The following IL9R variants were observed in gnomAD, a reference collection of about 807,000 sequenced individuals.
The protein encoded by IL9R is interleukin 9 receptor.
A neutral mutation model predicts 56.3 loss-of-function variants in IL9R; 54 were observed. The observed-to-expected ratio is 0.96, with a 90% CI of 0.77 to 1.20. IL9R has a LOEUF of 1.20. IL9R is among the 50% of genes most tolerant of loss of function. The probability of loss-of-function intolerance (pLI) is 0.00; values close to 1 mark genes in which losing one functional copy is unlikely to be tolerated. For synonymous variants in IL9R, 212 were observed against 250.2 expected, an observed-to-expected ratio of 0.85 and a Z score of 1.44; for missense variants, 545 against 629.8, an observed-to-expected ratio of 0.87 and a Z score of 1.44.
At chrX:155,999,759 A>G (rs2067386504) in intron 1 of IL9R, among the ~76,000 whole-genome samples, 1 of 152,028 alleles carries the variant, frequency 6.6e-6, no homozygotes, top group Admixed American at 6.6e-5. Context: ...TGTCCACTTC[A>G]ATAGTAACTT....
At chrX:156,009,714 A>C in intron 8 of IL9R, 102 bp from the exon 9 acceptor site, 1 of 564,750 alleles carries the variant, frequency 1.8e-6, no homozygotes, top group Non-Finnish European at 2.7e-6. Flanking sequence ...GGCTTCCTGG[A>C]GGAGGAGGGA....
At chrX:156,000,180 A>G (rs2067427191) in intron 1 of IL9R, among the ~76,000 whole-genome samples, 1 of 151,502 alleles carries the variant, frequency 6.6e-6, no homozygotes, top group South Asian at 2.1e-4. Context: ...ATATATGCAT[A>G]ATAGTCTCTG....
At chrX:156,003,162 C>T (rs1370031280) in intron 2 of IL9R, 143 bp downstream of exon 2, 2 of 982,406 alleles carry the variant, frequency 2.0e-6, no homozygotes, top group East Asian at 5.1e-5. Context: ...TCAGCCTGGA[C>T]CTCAGTCTCT....
intron 8 of IL9R, among the ~76,000 whole-genome samples, chrX:156,009,405 G>C (rs1161971447): frequency 1.5e-4 from 19 of 127,664 alleles, no homozygotes; most frequent in Non-Finnish European, 2.4e-4. Flanking sequence ...GTGTGTCTCT[G>C]TGTGTGTGTG....
At position 156,010,493 on chromosome X, in the gene IL9R, T is replaced by G; in HGVS notation, c.*84T>G. The G allele has an allele frequency of 2.5e-6, 1 of 392,582 alleles. No homozygotes were observed. The highest frequency in any genetic ancestry group is 2.7e-5 in the South Asian group (1 of 36,730). 24.3% of individuals were successfully genotyped at this position (392,582 alleles called of 1,614,324 possible). A position where few individuals can be genotyped will look rare whatever the true frequency, so the allele number is the denominator to read the frequency against. The stretch of plus-strand genomic sequence containing the variant: ...AGCCCTTGTCTGAGACTGAACCTCC[T>G]GAGAAGGGGCCCCTAGCAGCGGTCA... On this transcript the variant is annotated 3_prime_UTR_variant, in exon 9 of 9. Coordinates refer to ENST00000244174, the MANE Select transcript of IL9R (RefSeq NM_002186.3).
rs1206116874 is a variant in IL9R, at chrX:156,003,717, G to A, written c.295G>A (p.Gly99Ser). Residue 99 changes from glycine (G) to serine (S), a missense_variant, in exon 4 of 9, where the codon GGC (glycine) becomes AGC (serine). Around this residue, in one of 2 missense-constraint regions of IL9R, gnomAD observed 431 missense variants for 360.0 expected, o/e 1.20. Coordinates refer to ENST00000244174, the MANE Select transcript of IL9R (RefSeq NM_002186.3). ...CGGCACACATAAGTGCATCTTGCGGGGCAGTGAGTGCACCGTCGTGCTGCC... is the reference window on the plus strand; with the variant it reads ...CGGCACACATAAGTGCATCTTGCGGAGCAGTGAGTGCACCGTCGTGCTGCC... ...PGGTHKCILRGSECTVVLPPE... is the reference protein window; with the variant it reads ...PGGTHKCILRSSECTVVLPPE... The A allele has an allele frequency of 4.3e-6, 7 of 1,613,590 alleles. No homozygotes were observed. The highest frequency in any genetic ancestry group is 3.3e-5 in the Admixed American group (2 of 59,968).
chrX:156,002,853 A>G, intron 1 of IL9R, 53 bp from the exon 2 acceptor site: 4 of 1,611,914 alleles, frequency 2.5e-6, no homozygotes, highest in Non-Finnish European at 3.4e-6. Context: ...CATGGGGAGC[A>G]CCCCTCCAGA....
chrX:156,004,697 G>T (rs2067792182), intron 5 of IL9R, 132 bp downstream of exon 5: 2 of 870,130 alleles, frequency 2.3e-6, no homozygotes, highest in Non-Finnish European at 3.7e-6. Context: ...GGGTGTGTGT[G>T]CACACACACA....
rs1172878931 is a variant in IL9R at position 156,009,127 on chromosome X, TTG to T, written c.973-679_973-678del. Among the ~76,000 whole-genome samples the T allele has an allele frequency of 8.6e-3, 1,082 of 126,160 alleles. 7 individuals are homozygous for T. Among genetic ancestry groups the T allele is most frequent in the African/African-American group, 0.029 (927 of 31,598 alleles). 82.8% of individuals were successfully genotyped at this position (126,160 alleles called of 152,430 possible). The stretch of plus-strand genomic sequence containing the variant: ...TGTGTGTTTATGTGTCTGTGTATGT[TTG>T]TGTGTGTGTTTGTGTGTGTGTGTTT... On this transcript the variant is annotated intron_variant, in intron 8 of 8. Coordinates refer to ENST00000244174, the MANE Select transcript of IL9R (RefSeq NM_002186.3).
chrX:156,003,831 C>T lies in IL9R; in HGVS notation c.409C>T (p.Pro137Ser), dbSNP rs1223716917. ...SGREQVSLVD[P>S]EYLPRRHVKL... is the part of the protein sequence containing the mutation. ...GAGGGAGCAGGTCAGCCTGGTGGAC[C>T]CGGAGTACCTGCCCCGGAGACACGG... is the stretch of plus-strand genomic sequence containing the variant. Residue 137 changes from proline to serine, a missense_variant, in exon 4 of 9, where the codon CCG (proline) becomes TCG (serine). Physicochemically the swap from Pro to Ser is moderately conservative, Grantham distance 74. Around this residue, in one of 2 missense-constraint regions of IL9R, gnomAD observed 431 missense variants for 360.0 expected, o/e 1.20. Transcript: ENST00000244174. The T allele has an allele frequency of 3.7e-6, 6 of 1,613,822 alleles. No individual in the cohort carries two copies. The highest frequency in any genetic ancestry group is 2.2e-5 in the South Asian group (2 of 91,068).
chrX:156,003,978 G>A (rs2067728391), intron 4 of IL9R, 123 bp downstream of exon 4: 1 of 1,033,018 alleles, frequency 9.7e-7, no homozygotes, highest in Non-Finnish European at 1.4e-6. Flanking sequence ...TCCCAGCCGA[G>A]TGAGATCCAG....
intron 1 of IL9R, among the ~76,000 whole-genome samples, chrX:155,998,456 C>T (rs1203435467): frequency 6.6e-6 from 1 of 152,020 alleles, no homozygotes; most frequent in African/African-American, 2.4e-5. Context: ...CTGCTTGGAT[C>T]CTCCTCTCCC....
Position 156,004,717 on chromosome X carries a change from G to T in IL9R, c.579+152G>T, listed in dbSNP as rs3093502. The T allele has an allele frequency of 4.3e-3, 3,299 of 759,478 alleles. 71 individuals are homozygous for T. In the African/African-American group the frequency reaches 0.051, roughly 12 times the overall value. The allele number at this position is 759,478 out of a possible 1,614,324, so 47.0% of individuals were successfully genotyped here. A position where few individuals can be genotyped will look rare whatever the true frequency, so the allele number is the denominator to read the frequency against. On this transcript the variant is annotated intron_variant, in intron 5 of 8. Coordinates refer to ENST00000244174, the MANE Select transcript of IL9R (RefSeq NM_002186.3). ...TGTGTGCACACACACATGCTGGCAT[G>T]CAGATGTGTATGCTTTATGTGTGTG...
chrX:156,002,865 A>G, intron 1 of IL9R, 41 bp from the exon 2 acceptor site: 1 of 1,612,850 alleles, frequency 6.2e-7, no homozygotes, highest in Non-Finnish European at 8.5e-7. Flanking sequence ...CCCTCCAGAG[A>G]GGGATGATTT....
chrX:156,008,869 C>CTGTGTGTG (rs1283159353), intron 8 of IL9R, among the ~76,000 whole-genome samples: 5 of 147,810 alleles, frequency 3.4e-5, no homozygotes, highest in Non-Finnish European at 7.5e-5. Flanking sequence ...GTGTGTGTGT[C>CTGTGTGTG]TGTGTGTGTG....
intron 4 of IL9R, chrX:156,004,094 G>A (rs1309251003): frequency 6.6e-6 from 4 of 606,490 alleles, no homozygotes; most frequent in African/African-American, 3.7e-5. Context: ...TGGGGCAGGG[G>A]CTGGCACTTG....
rs2067706879 is a variant in IL9R, at chrX:156,003,784, C to G, written c.362C>G (p.Thr121Ser). The change falls in exon 4 of 9, where the codon ACT becomes AGT. Residue 121 changes from threonine to serine, a missense_variant. Transcript: ENST00000244174. ...VLVPSDNFTI[T>S]FHHCMSGREQ... ...GTGCCATCTGACAATTTCACCATCA[C>G]TTTCCACCACTGCATGTCTGGGAGG... is the stretch of plus-strand genomic sequence containing the variant. 2 of 1,614,026 alleles carry G rather than the reference C, an allele frequency of 1.2e-6. No individual in the cohort carries two copies. Among genetic ancestry groups the G allele is most frequent in the East Asian group, 2.2e-5 (1 of 44,886 alleles).
chrX:156,002,749 G>C (rs865827818), intron 1 of IL9R, 157 bp from the exon 2 acceptor site: 2 of 1,016,156 alleles, frequency 2.0e-6, no homozygotes, highest in South Asian at 2.9e-5. Flanking sequence ...CCTGGACAGT[G>C]GTCCAGGACG....
At position 156,003,503 on chromosome X, in the gene IL9R, G is replaced by A. The variant is rs753695771; in HGVS notation, c.197G>A (p.Cys66Tyr). The change falls in exon 3 of 9, where the codon TGC becomes TAC. Residue 66 changes from cysteine to tyrosine, a missense_variant. By Grantham distance (194) the Cys-to-Tyr change is radical. Coordinates refer to ENST00000244174, the MANE Select transcript of IL9R (RefSeq NM_002186.3). ...CLTNNILRID[C>Y]HWSAPELGQG... ...ACCAACAACATTCTCAGGATCGATT[G>A]CCACTGGTCTGCCCCAGAGCTGGGA... 1 of 1,612,538 alleles carries A rather than the reference G, an allele frequency of 6.2e-7. No individual in the cohort carries two copies. Among genetic ancestry groups the A allele is most frequent in the Non-Finnish European group, 8.5e-7 (1 of 1,179,842 alleles).
Sources: gnomAD v4.1 joint callset for allele counts (sites outside exome capture counted in the v4.1 genomes callset) on GRCh38, gnomAD v4.1.1 for gene constraint, gnomAD v4.1.1 regional missense constraint, MANE v1.5 for transcripts, NCBI Gene and HGNC (gene_info 2026-07-23, HGNC 2026-07-21) for gene names.